SCARB2: variants seen among roughly 807,000 people sequenced by gnomAD.
SCARB2 encodes the protein lysosome membrane protein 2.
SCARB2 carries 29 observed loss-of-function variants against 58.6 expected under a neutral mutation model. The observed-to-expected ratio is 0.49, with a 90% CI of 0.37 to 0.67. The LOEUF (loss-of-function observed/expected upper bound fraction) is 0.67, where lower values mean the gene tolerates loss of function less well. Among genes scored for constraint, SCARB2 ranks in the 30% least tolerant of loss-of-function variants. SCARB2 has a pLI of 0.00. For missense variants in SCARB2, 488 were observed against 578.5 expected, an observed-to-expected ratio of 0.84 and a Z score of 1.60; for synonymous variants, 195 against 210.1, an observed-to-expected ratio of 0.93 and a Z score of 0.62.
chr4:76,214,260 G>C, upstream of SCARB2: 1 of 455,660 alleles, frequency 2.2e-6, no homozygotes, highest in Non-Finnish European at 4.4e-6. Context: ...CTTCTACCAG[G>C]TGCCTGCTGA....
Position 76,161,707 on chromosome 4 carries a change from C to G in SCARB2, c.*6G>C, listed in dbSNP as rs762441308. On this transcript the variant is annotated 3_prime_UTR_variant, in exon 12 of 12. Transcript: ENST00000264896. ...ACACAGTTTCTTCACCAAGCAAAGG[C>G]AATGTTTAGGTTCGAATGAGGGGTG... 3.1e-6 allele frequency: 5 copies of G among 1,614,096 alleles called. No individual in the cohort carries two copies. In the East Asian group the frequency reaches 1.1e-4, roughly 36 times the overall value.
intron 1 of SCARB2, among the ~76,000 whole-genome samples, chr4:76,231,978 G>A (rs1733501210): frequency 6.6e-6 from 1 of 152,186 alleles, no homozygotes. Flanking sequence ...TTTTCCAATT[G>A]TGTCCCGTTG....
At position 76,161,646 on chromosome 4, in the gene SCARB2, G is replaced by C. The variant is rs3733256; in HGVS notation, c.*67C>G. On this transcript the variant is annotated 3_prime_UTR_variant, in exon 12 of 12. Transcript: ENST00000264896. ...GCAACAAGCCTGCAAGGAGGTGGAG[G>C]GTTTCCCCACGTCATCGTCCAGGTC... 9,657 of 1,532,894 alleles carry C rather than the reference G, an allele frequency of 6.3e-3. 250 individuals are homozygous for C. In the African/African-American group the frequency reaches 0.073, roughly 12 times the overall value. The allele number at this position is 1,532,894 out of a possible 1,614,324, so 95.0% of individuals were successfully genotyped here. A position where few individuals can be genotyped will look rare whatever the true frequency, so the allele number is the denominator to read the frequency against.
chr4:76,196,919 G>T (rs1269169147), intron 1 of SCARB2, among the ~76,000 whole-genome samples: 1 of 152,186 alleles, frequency 6.6e-6, no homozygotes, highest in African/African-American at 2.4e-5. Context: ...TGGAGTCGGG[G>T]TCTTTAAAGA....
intron 1 of SCARB2, among the ~76,000 whole-genome samples, chr4:76,208,342 G>T (rs944587447): frequency 2.0e-5 from 3 of 152,182 alleles, no homozygotes; most frequent in Non-Finnish European, 2.9e-5. Context: ...AGCCAGGAAA[G>T]AATTTGGATA....
chr4:76,184,866 G>T (rs575285523), intron 2 of SCARB2: 5 of 308,444 alleles, frequency 1.6e-5, no homozygotes, highest in Non-Finnish European at 3.1e-5. Context: ...CACATGATGT[G>T]ATGATCAATA....
chr4:76,167,622 CTT>C (rs947330796), intron 9 of SCARB2, among the ~76,000 whole-genome samples: 29 of 151,078 alleles, frequency 1.9e-4, no homozygotes, highest in African/African-American at 6.1e-4. Flanking sequence ...AATTAAATCT[CTT>C]TATAAATTAA....
At chr4:76,198,670 G>A (rs1361953897) in intron 1 of SCARB2, among the ~76,000 whole-genome samples, 1 of 152,178 alleles carries the variant, frequency 6.6e-6, no homozygotes, top group East Asian at 1.9e-4. Context: ...TGAGTCACCA[G>A]CACTCAGACA....
chr4:76,206,981 G>A (rs2109968688), intron 1 of SCARB2, among the ~76,000 whole-genome samples: 1 of 152,172 alleles, frequency 6.6e-6, no homozygotes, highest in South Asian at 2.1e-4. Flanking sequence ...TTCCAAACTG[G>A]CCTTACAGGA....
At chr4:76,169,341 C>CACACACACACA (rs3217498) in intron 8 of SCARB2, among the ~76,000 whole-genome samples, 1 of 151,126 alleles carries the variant, frequency 6.6e-6, no homozygotes, top group African/African-American at 2.4e-5. Context: ...CACACACACA[C>CACACACACACA]GTGTGTATGT....
intron 1 of SCARB2, among the ~76,000 whole-genome samples, chr4:76,224,998 C>G (rs547995137): frequency 6.6e-6 from 1 of 152,040 alleles, no homozygotes; most frequent in African/African-American, 2.4e-5. Context: ...ATCTTATATG[C>G]ATCCTCATAG....
At chr4:76,211,924 A>C (rs1733055542) in intron 1 of SCARB2, among the ~76,000 whole-genome samples, 1 of 152,166 alleles carries the variant, frequency 6.6e-6, no homozygotes, top group Non-Finnish European at 1.5e-5. Flanking sequence ...TCATGGAGAA[A>C]AACACTTGGA....
At chr4:76,191,229 T>C (rs960629132) in intron 2 of SCARB2, among the ~76,000 whole-genome samples, 2 of 152,206 alleles carry the variant, frequency 1.3e-5, no homozygotes, top group Admixed American at 1.3e-4. Flanking sequence ...CTTTTTAAAA[T>C]GAGGACCCAA....
chr4:76,226,693 A>T, intron 1 of SCARB2, among the ~76,000 whole-genome samples: 1 of 152,166 alleles, frequency 6.6e-6, no homozygotes, highest in Non-Finnish European at 1.5e-5. Flanking sequence ...ATACTGTTTA[A>T]GTCTCACTGC....
upstream of SCARB2, among the ~76,000 whole-genome samples, chr4:76,214,789 G>C (rs1225318630): frequency 6.6e-6 from 1 of 152,204 alleles, no homozygotes; most frequent in Admixed American, 6.5e-5. Flanking sequence ...CCTATGAATA[G>C]GAGGTTGTGT....
chr4:76,213,882 GCAACCGC>G (rs1280457331), upstream of SCARB2: 2 of 174,342 alleles, frequency 1.1e-5, no homozygotes, highest in Non-Finnish European at 2.4e-5. Flanking sequence ...ACCCCGCGAG[GCAACCGC>G]CGGCGACTGC....
intron 1 of SCARB2, among the ~76,000 whole-genome samples, chr4:76,209,722 A>C (rs908932231): frequency 6.6e-6 from 1 of 152,232 alleles, no homozygotes; most frequent in African/African-American, 2.4e-5. Flanking sequence ...TATGGCTCCC[A>C]AAAGAAACCA....
At chr4:76,194,796 T>C (rs907919167) in intron 2 of SCARB2, 1 of 152,066 alleles carries the variant, frequency 6.6e-6, no homozygotes. Context: ...AGGGGAACAT[T>C]GCAACAGAGA....
rs1039567853 is a variant in SCARB2, at chr4:76,213,758, C to T, written c.-215G>A. On this transcript the variant is annotated 5_prime_UTR_variant, in exon 1 of 12. Coordinates refer to ENST00000264896, the MANE Select transcript of SCARB2 (RefSeq NM_005506.4). ...GCGGATGGGGCCGCGGAGGGACGGG[C>T]CCGGACTCGGTTTCGGTTTCCTTCG... 17 of 452,384 alleles carry T rather than the reference C, an allele frequency of 3.8e-5. No individual in the cohort carries two copies. The highest frequency in any genetic ancestry group is 8.5e-5 in the African/African-American group (4 of 47,266). 28.0% of individuals were successfully genotyped at this position (452,384 alleles called of 1,614,324 possible). A position where few individuals can be genotyped will look rare whatever the true frequency, so the allele number is the denominator to read the frequency against.
Sources: allele counts gnomAD v4.1 joint callset (sites outside exome capture counted in the v4.1 genomes callset), GRCh38; gene constraint gnomAD v4.1.1; transcripts MANE v1.5; gene names NCBI Gene and HGNC (gene_info 2026-07-23, HGNC 2026-07-21).